RNGTT: variants seen among roughly 807,000 people sequenced by gnomAD.
The protein encoded by RNGTT is mRNA-capping enzyme.
Under a neutral mutation model 79.3 loss-of-function variants are expected in RNGTT, and 33 were observed. The ratio of observed to expected loss-of-function variants is 0.42; its 90% CI spans 0.32 to 0.56. The LOEUF (loss-of-function observed/expected upper bound fraction) is 0.56, where lower values mean the gene tolerates loss of function less well. Ranked by LOEUF, RNGTT falls within the 20% of genes least tolerant of loss-of-function variation. RNGTT has a pLI of 0.17. For missense variants in RNGTT, 497 were observed against 739.1 expected (o/e 0.67, Z 3.80); for synonymous variants, 222 against 235.9 (o/e 0.94, Z 0.54).
chr6:88,928,889 G>T (rs1784399641), intron 4 of RNGTT, 96 bp downstream of exon 4: 2 of 840,074 alleles, frequency 2.4e-6, no homozygotes. Context: ...ATTTAAAACA[G>T]AAAAAACTTT....
At position 88,612,713 on chromosome 6, in the gene RNGTT, C is replaced by G; in HGVS notation, c.*6G>C. On this transcript the variant is annotated 3_prime_UTR_variant, in exon 16 of 16. Coordinates refer to ENST00000369485, the MANE Select transcript of RNGTT (RefSeq NM_003800.5). ...TTCTTCTTAACCCTCAAGTCACAGG[C>G]AGGTCTTAGGTTAAAGGGCGTGGTC... 1 of 1,608,812 alleles carries G rather than the reference C, an allele frequency of 6.2e-7. No homozygotes were observed. Among genetic ancestry groups the G allele is most frequent in the South Asian group, 1.1e-5 (1 of 90,576 alleles).
chr6:88,721,455 T>A (rs904917988), intron 13 of RNGTT, among the ~76,000 whole-genome samples: 20 of 152,090 alleles, frequency 1.3e-4, no homozygotes, highest in African/African-American at 4.6e-4. Context: ...CCTCTTTTTT[T>A]ATATATAGTA....
chr6:88,840,619 G>A (rs1045860799), intron 11 of RNGTT, among the ~76,000 whole-genome samples: 1 of 152,062 alleles, frequency 6.6e-6, no homozygotes, highest in Non-Finnish European at 1.5e-5. Context: ...GGCTGGTCTC[G>A]AACTCTTGGG....
At chr6:88,934,511 AT>A (rs1420926834) in intron 2 of RNGTT, among the ~76,000 whole-genome samples, 4 of 151,638 alleles carry the variant, frequency 2.6e-5, no homozygotes, top group East Asian at 1.9e-4. Context: ...TTTTAATGGG[AT>A]TTTTTTCCTG....
chr6:88,890,473 T>C (rs1307580881), intron 8 of RNGTT, 22 bp downstream of exon 8: 1 of 1,471,240 alleles, frequency 6.8e-7, no homozygotes, highest in East Asian at 2.3e-5. Flanking sequence ...ATTTGTGTAA[T>C]TTTTTTAGAA....
intron 15 of RNGTT, among the ~76,000 whole-genome samples, chr6:88,613,219 A>C (rs986097354): frequency 6.6e-6 from 1 of 152,210 alleles, no homozygotes; most frequent in Non-Finnish European, 1.5e-5. Flanking sequence ...TATTCAACTA[A>C]AACTTCTACA....
intron 13 of RNGTT, among the ~76,000 whole-genome samples, chr6:88,747,099 T>C (rs1254787294): frequency 6.6e-6 from 1 of 152,106 alleles, no homozygotes; most frequent in Non-Finnish European, 1.5e-5. Context: ...GTCATTATAG[T>C]AGAAAGAGAT....
chr6:88,884,622 T>G (rs1782797672), intron 8 of RNGTT, among the ~76,000 whole-genome samples: 1 of 151,560 alleles, frequency 6.6e-6, no homozygotes, highest in Non-Finnish European at 1.5e-5. Flanking sequence ...CATAGTAGAG[T>G]TTCACACACT....
At chr6:88,746,591 G>C (rs148272240) in intron 13 of RNGTT, among the ~76,000 whole-genome samples, 1 of 152,266 alleles carries the variant, frequency 6.6e-6, no homozygotes, top group Admixed American at 6.5e-5. Context: ...ACGCAACTTA[G>C]ATCCCTTGCA....
chr6:88,849,465 T>C (rs1035090335), intron 10 of RNGTT, among the ~76,000 whole-genome samples: 3 of 151,964 alleles, frequency 2.0e-5, no homozygotes, highest in African/African-American at 4.8e-5. Context: ...TACAGGATAA[T>C]TAAAATCAGA....
intron 1 of RNGTT, among the ~76,000 whole-genome samples, chr6:88,958,415 T>A (rs570968345): frequency 1.3e-5 from 2 of 152,046 alleles, no homozygotes; most frequent in Non-Finnish European, 2.9e-5. Flanking sequence ...AAAGAAATAA[T>A]CAGCAGAGTA....
At chr6:88,663,907 C>T (rs1401455496) in intron 14 of RNGTT, among the ~76,000 whole-genome samples, 1 of 152,186 alleles carries the variant, frequency 6.6e-6, no homozygotes, top group African/African-American at 2.4e-5. Context: ...CCATCCTATA[C>T]AGAAAAGCTG....
intron 11 of RNGTT, among the ~76,000 whole-genome samples, chr6:88,803,999 C>A (rs920002124): frequency 6.6e-6 from 1 of 151,962 alleles, no homozygotes; most frequent in African/African-American, 2.4e-5. Flanking sequence ...ATATTTTTTT[C>A]TTTACTTGAC....
At chr6:88,822,570 A>G (rs868792518) in intron 11 of RNGTT, among the ~76,000 whole-genome samples, 2 of 152,198 alleles carry the variant, frequency 1.3e-5, no homozygotes, top group South Asian at 4.1e-4. Context: ...ATAGGTATAA[A>G]TCCCCTGATT....
chr6:88,845,503 C>G (rs1474507651), intron 10 of RNGTT, among the ~76,000 whole-genome samples: 1 of 152,182 alleles, frequency 6.6e-6, no homozygotes, highest in Non-Finnish European at 1.5e-5. Flanking sequence ...ATTATCGCTT[C>G]AATGGCACAT....
At chr6:88,703,879 C>G in intron 13 of RNGTT, among the ~76,000 whole-genome samples, 1 of 152,072 alleles carries the variant, frequency 6.6e-6, no homozygotes, top group East Asian at 1.9e-4. Context: ...TTAAGCTTGG[C>G]AAGCTTTGGC....
chr6:88,825,263 C>G (rs1294143489), intron 11 of RNGTT, among the ~76,000 whole-genome samples: 1 of 152,218 alleles, frequency 6.6e-6, no homozygotes, highest in African/African-American at 2.4e-5. Flanking sequence ...AAGCAAGCTA[C>G]AGATCCCACC....
In RNGTT at chr6:88,636,633, GA is replaced by G. The variant is rs1004933156; in HGVS notation, c.1507-22239del. Among the ~76,000 whole-genome samples the G allele has an allele frequency of 6.2e-3, 869 of 139,604 alleles. 10 individuals are homozygous for G. The highest frequency in any genetic ancestry group is 0.018 in the African/African-American group (684 of 38,426). 91.6% of individuals were successfully genotyped at this position (139,604 alleles called of 152,430 possible). A position where few individuals can be genotyped will look rare whatever the true frequency, so the allele number is the denominator to read the frequency against. ...TGGTATTATGGTTTTGGTTTAAGGG[GA>G]AAAAAAAAAACTAGAAAGGATCCTG... is the stretch of plus-strand genomic sequence containing the variant. On this transcript the variant is annotated intron_variant, in intron 14 of 15. Transcript: ENST00000369485.
intron 13 of RNGTT, among the ~76,000 whole-genome samples, chr6:88,745,682 T>C (rs1339491049): frequency 6.6e-6 from 1 of 152,132 alleles, no homozygotes; most frequent in Non-Finnish European, 1.5e-5. Flanking sequence ...TGATAGTCTA[T>C]TATTCCTTCT....
Sources: gnomAD v4.1 joint callset for allele counts (sites outside exome capture counted in the v4.1 genomes callset) on GRCh38, gnomAD v4.1.1 for gene constraint, MANE v1.5 for transcripts, NCBI Gene and HGNC (gene_info 2026-07-23, HGNC 2026-07-21) for gene names.